RAF1: variants seen among roughly 807,000 people sequenced by gnomAD.
RAF1 encodes RAF proto-oncogene serine/threonine-protein kinase.
Under a neutral mutation model 81.1 loss-of-function variants are expected in RAF1, and 27 were observed. The ratio of observed to expected loss-of-function variants is 0.33; its 90% confidence interval spans 0.25 to 0.46. RAF1 has a LOEUF of 0.46. Among genes scored for constraint, RAF1 ranks in the 20% least tolerant of loss-of-function variants. RAF1 has a pLI of 1.00. For synonymous variants in RAF1, 298 were observed against 294.0 expected (o/e 1.01, Z -0.14); for missense variants, 598 against 826.0 (o/e 0.72, Z 3.38).
intron 1 of RAF1, among the ~76,000 whole-genome samples, chr3:12,656,867 G>A (rs569061938): frequency 2.0e-5 from 3 of 152,092 alleles, no homozygotes; most frequent in Non-Finnish European, 4.4e-5. Context: ...CGTGGTGGCA[G>A]ATGCCTGTAA....
intron 12 of RAF1, 29 bp downstream of exon 11, chr3:12,591,679 A>G (rs199571154): frequency 5.4e-5 from 86 of 1,585,702 alleles, no homozygotes; most frequent in Non-Finnish European, 6.8e-5. Context: ...AGCACTCCAG[A>G]GGGACTGGAC....
intron 11 of RAF1, among the ~76,000 whole-genome samples, chr3:12,592,608 A>G (rs1193938614): frequency 6.6e-6 from 1 of 152,090 alleles, no homozygotes; most frequent in Non-Finnish European, 1.5e-5. Flanking sequence ...TCTGACTCCA[A>G]TTGCTATTCT....
chr3:12,645,029 T>C (rs187536543), intron 1 of RAF1, among the ~76,000 whole-genome samples: 3 of 146,524 alleles, frequency 2.0e-5, no homozygotes, highest in Non-Finnish European at 4.5e-5. Context: ...AACCAGAGAG[T>C]TGGAGGTTGC....
intron 14 of RAF1, chr3:12,587,238 C>A: frequency 3.3e-6 from 1 of 307,024 alleles, no homozygotes; most frequent in South Asian, 5.3e-5. Flanking sequence ...TGGCCACAAA[C>A]TAGAAATAAA....
intron 11 of RAF1, among the ~76,000 whole-genome samples, chr3:12,598,838 T>C (rs2058772458): frequency 6.6e-6 from 1 of 151,884 alleles, no homozygotes; most frequent in Non-Finnish European, 1.5e-5. Flanking sequence ...TTTTAACTTC[T>C]CTCAATCTTT....
At chr3:12,644,773 T>G (rs2060294234) in intron 1 of RAF1, among the ~76,000 whole-genome samples, 1 of 152,154 alleles carries the variant, frequency 6.6e-6, no homozygotes, top group South Asian at 2.1e-4. Context: ...ACCTCATTTT[T>G]GAGTTTTTCC....
intron 1 of RAF1, among the ~76,000 whole-genome samples, chr3:12,636,528 A>C (rs2060037846): frequency 1.3e-5 from 2 of 151,198 alleles, no homozygotes; most frequent in African/African-American, 4.9e-5. Flanking sequence ...TACACTGGCT[A>C]GGTGTGGTGG....
At chr3:12,620,597 C>G (rs1325108255) in intron 1 of RAF1, among the ~76,000 whole-genome samples, 1 of 152,058 alleles carries the variant, frequency 6.6e-6, no homozygotes, top group Non-Finnish European at 1.5e-5. Context: ...CAGCTTCCCA[C>G]ATAGCTGGGA....
intron 1 of RAF1, among the ~76,000 whole-genome samples, chr3:12,647,242 G>T (rs2060378451): frequency 6.7e-6 from 1 of 149,294 alleles, no homozygotes; most frequent in Admixed American, 6.8e-5. Flanking sequence ...GCTGCAGTGA[G>T]CTGAGATCGC....
At chr3:12,649,415 G>C (rs2125558355) in intron 1 of RAF1, among the ~76,000 whole-genome samples, 1 of 152,252 alleles carries the variant, frequency 6.6e-6, no homozygotes, top group Middle Eastern at 3.4e-3. Context: ...CTGGTCAACA[G>C]AGTGACACCT....
intron 1 of RAF1, among the ~76,000 whole-genome samples, chr3:12,650,700 C>A (rs182342710): frequency 2.6e-4 from 40 of 152,232 alleles, no homozygotes; most frequent in Admixed American, 2.5e-3. Context: ...CATTTCAGAA[C>A]CCCTTAAAGT....
intron 2 of RAF1, among the ~76,000 whole-genome samples, chr3:12,617,812 C>G (rs1246339015): frequency 7.0e-6 from 1 of 143,364 alleles, no homozygotes; most frequent in Admixed American, 7.4e-5. Flanking sequence ...AGAATCACTT[C>G]AACCCAGGAG....
rs533431251 is a variant in RAF1 at position 12,625,429 on chromosome 3, A to G, written c.-26-6682T>C. Among the ~76,000 whole-genome samples, 6 of 152,342 alleles carry G rather than the reference A, an allele frequency of 3.9e-5. No individual in the cohort carries two copies. The South Asian group carries it at 1.2e-3, about 32-fold the overall frequency. On this transcript the variant is annotated intron_variant, in intron 1 of 17. Transcript: ENST00000442415. ...CAAAACATCTAGCACAAGCATTTGA[A>G]GTATTCTACTCTCACAGTGAAGAGT...
chr3:12,641,199 AC>A (rs1369823513), intron 1 of RAF1, among the ~76,000 whole-genome samples: 2 of 101,662 alleles, frequency 2.0e-5, no homozygotes, highest in East Asian at 7.0e-4. Flanking sequence ...AACATCACAC[AC>A]CGGGGCCTGT....
chr3:12,599,620 T>C lies in RAF1; in HGVS notation c.1168+71A>G, dbSNP rs2058793561. On this transcript the variant is annotated intron_variant, in intron 11 of 17. Transcript: ENST00000442415. ...GGAGCACTCAGTCCTCTCCTCCTCCTGGCCCCCTGGGCTGAAACTTGACTT... is the reference window on the plus strand; with the variant it reads ...GGAGCACTCAGTCCTCTCCTCCTCCCGGCCCCCTGGGCTGAAACTTGACTT... 1.8e-5 allele frequency: 21 copies of C among 1,156,388 alleles called. 1 individual carries two copies. The South Asian group carries it at 2.4e-4, about 13-fold the overall frequency. 71.6% of individuals were successfully genotyped at this position (1,156,388 alleles called of 1,614,324 possible).
intron 2 of RAF1, 45 bp from the exon 3 acceptor site, chr3:12,612,107 C>A (rs749748081): frequency 2.7e-6 from 4 of 1,492,048 alleles, no homozygotes; most frequent in South Asian, 1.1e-5. Flanking sequence ...GGCTGCAGCA[C>A]CCCTTGGAAA....
intron 1 of RAF1, among the ~76,000 whole-genome samples, chr3:12,623,003 T>A (rs569083283): frequency 1.7e-3 from 261 of 151,072 alleles, no homozygotes; most frequent in African/African-American, 5.9e-3. Flanking sequence ...TTTCTAAATT[T>A]AAAAAAAAAA....
intron 1 of RAF1, among the ~76,000 whole-genome samples, chr3:12,639,620 C>CA (rs2060125992): frequency 6.6e-6 from 1 of 152,164 alleles, no homozygotes; most frequent in South Asian, 2.1e-4. Context: ...CTCTCATTCA[C>CA]AATTGCTTCA....
At chr3:12,606,082 CA>C (rs1283775750) in intron 6 of RAF1, 118 bp downstream of exon 6, 3 of 725,672 alleles carry the variant, frequency 4.1e-6, no homozygotes, top group Non-Finnish European at 7.2e-6. Flanking sequence ...ACAGAAGCAG[CA>C]AGGGGTTTCC....
Sources: gnomAD v4.1 joint callset for allele counts (sites outside exome capture counted in the v4.1 genomes callset) on GRCh38, gnomAD v4.1.1 for gene constraint, MANE v1.5 for transcripts, NCBI Gene and HGNC (gene_info 2026-07-23, HGNC 2026-07-21) for gene names.